DNAH6: variants seen among roughly 807,000 people sequenced by gnomAD.
DNAH6 encodes dynein axonemal heavy chain 6.
In DNAH6, 340 loss-of-function variants were observed where a neutral mutation model predicts 491.4. The observed-to-expected ratio is 0.69, with a 90% CI of 0.63 to 0.76. The LOEUF (loss-of-function observed/expected upper bound fraction) is 0.76, where lower values mean the gene tolerates loss of function less well. DNAH6 is among the 30% of genes least tolerant of loss of function. The probability of loss-of-function intolerance (pLI) is 0.00; values close to 1 mark genes in which losing one functional copy is unlikely to be tolerated. For missense variants in DNAH6, 4,443 were observed against 4,972.2 expected (o/e 0.89, Z 3.20); for synonymous variants, 1,603 against 1,686.1 (o/e 0.95, Z 1.21).
the DNAH6 span, among the ~76,000 whole-genome samples, chr2:84,486,606 A>C: frequency 3.9e-5 from 6 of 152,226 alleles, no homozygotes; most frequent in Non-Finnish European, 7.3e-5. Context: ...AAGTGACTAG[A>C]GTGTGATAAG....
At chr2:84,618,949 C>T (rs773665554) in intron 23 of DNAH6, among the ~76,000 whole-genome samples, 16 of 152,140 alleles carry the variant, frequency 1.1e-4, no homozygotes, top group Non-Finnish European at 1.9e-4. Flanking sequence ...GACAATGAAA[C>T]GTTATTTACA....
intron 62 of DNAH6, among the ~76,000 whole-genome samples, chr2:84,743,747 G>A (rs1253596635): frequency 6.6e-6 from 1 of 152,186 alleles, no homozygotes; most frequent in Non-Finnish European, 1.5e-5. Context: ...GCTTGAACCT[G>A]GGAGGCAAAG....
At chr2:84,733,406 C>A in intron 61 of DNAH6, 38 bp from the exon 62 acceptor site, 7 of 1,534,142 alleles carry the variant, frequency 4.6e-6, no homozygotes, top group Non-Finnish European at 6.2e-6. Context: ...TTTGTGATTG[C>A]CTTTGTGAAT....
intron 62 of DNAH6, among the ~76,000 whole-genome samples, chr2:84,738,428 C>T (rs980871642): frequency 3.3e-5 from 5 of 152,042 alleles, no homozygotes; most frequent in African/African-American, 1.2e-4. Flanking sequence ...CTATCAAATG[C>T]TATCAATGGG....
At chr2:84,609,461 T>C (rs753977813) in intron 21 of DNAH6, among the ~76,000 whole-genome samples, 7 of 152,058 alleles carry the variant, frequency 4.6e-5, no homozygotes, top group Non-Finnish European at 8.8e-5. Context: ...CTAATTTCAA[T>C]ATTGTTGTGT....
At chr2:84,784,850 GT>G in intron 66 of DNAH6, 40 bp downstream of exon 66, 1 of 1,403,912 alleles carries the variant, frequency 7.1e-7, no homozygotes, top group Non-Finnish European at 9.9e-7. Context: ...GAAATGGTTG[GT>G]TTCAGAATAT....
the DNAH6 span, among the ~76,000 whole-genome samples, chr2:84,482,314 A>G: frequency 2.6e-5 from 4 of 152,234 alleles, no homozygotes; most frequent in African/African-American, 9.6e-5. Flanking sequence ...GGCAAATGTC[A>G]GTTCTCTTTC....
chr2:84,668,810 C>CTGTGTGTGTGTG (rs766203821), intron 37 of DNAH6, among the ~76,000 whole-genome samples: 80 of 121,078 alleles, frequency 6.6e-4, no homozygotes, highest in African/African-American at 1.8e-3. Flanking sequence ...AGCCATCCCT[C>CTGTGTGTGTGTG]TGTGTGTGTG....
intron 10 of DNAH6, among the ~76,000 whole-genome samples, chr2:84,556,691 C>T (rs1011025076): frequency 3.3e-5 from 5 of 152,060 alleles, no homozygotes; most frequent in African/African-American, 1.2e-4. Flanking sequence ...TGCTTCTGTC[C>T]AGTCTTGTTT....
chr2:84,770,386 G>T (rs1675493761), intron 64 of DNAH6, among the ~76,000 whole-genome samples: 1 of 152,054 alleles, frequency 6.6e-6, no homozygotes, highest in East Asian at 1.9e-4. Context: ...GCCAGACATT[G>T]GGCTTACTAG....
At chr2:84,464,959 C>T in the DNAH6 span, among the ~76,000 whole-genome samples, 14 of 152,246 alleles carry the variant, frequency 9.2e-5, no homozygotes, top group East Asian at 1.4e-3. Context: ...ACGCCTCTGA[C>T]ATTTCCCCCC....
chr2:84,708,866 G>A (rs892599132), intron 54 of DNAH6, among the ~76,000 whole-genome samples: 2 of 152,050 alleles, frequency 1.3e-5, no homozygotes, highest in Non-Finnish European at 2.9e-5. Flanking sequence ...TTCTCACTGG[G>A]GCCAATTGTG....
At chr2:84,575,652 A>T (rs1024077680) in intron 12 of DNAH6, among the ~76,000 whole-genome samples, 8 of 152,138 alleles carry the variant, frequency 5.3e-5, no homozygotes, top group Admixed American at 4.6e-4. Flanking sequence ...TGGGAGGCCG[A>T]GGCGGGGGGA....
chr2:84,601,290 A>G (rs910345698), intron 18 of DNAH6, among the ~76,000 whole-genome samples: 4 of 152,034 alleles, frequency 2.6e-5, no homozygotes, highest in Admixed American at 6.6e-5. Context: ...GTAAATATCC[A>G]TGAATTCATA....
At chr2:84,479,365 A>T in the DNAH6 span, among the ~76,000 whole-genome samples, 1 of 152,216 alleles carries the variant, frequency 6.6e-6, no homozygotes, top group South Asian at 2.1e-4. Context: ...CATACTGTCC[A>T]GCACTGGATC....
chr2:84,660,457 CAACT>C, intron 37 of DNAH6, among the ~76,000 whole-genome samples: 1 of 151,936 alleles, frequency 6.6e-6, no homozygotes. Flanking sequence ...TGGCTAATAC[CAACT>C]AACCTATGCA....
chr2:84,637,501 T>C (rs1252246731), intron 31 of DNAH6, 124 bp downstream of exon 31: 5 of 1,095,782 alleles, frequency 4.6e-6, no homozygotes, highest in Non-Finnish European at 4.9e-6. Context: ...TTATTAAGTG[T>C]AGATATGATT....
chr2:84,570,230 G>T (rs1681641497), intron 11 of DNAH6, among the ~76,000 whole-genome samples: 4 of 152,206 alleles, frequency 2.6e-5, no homozygotes, highest in Admixed American at 2.6e-4. Flanking sequence ...ACCTCGAAGG[G>T]TCTCCCTGGT....
At chr2:84,650,435 A>G (rs907459641) in intron 33 of DNAH6, among the ~76,000 whole-genome samples, 2 of 150,830 alleles carry the variant, frequency 1.3e-5, no homozygotes, top group African/African-American at 4.9e-5. Context: ...TTGCTCTTGA[A>G]CCCATCTATT....
Sources: allele counts gnomAD v4.1 joint callset (sites outside exome capture counted in the v4.1 genomes callset), GRCh38; gene constraint gnomAD v4.1.1; transcripts MANE v1.5; gene names NCBI Gene and HGNC (gene_info 2026-07-23, HGNC 2026-07-21).